BFAR: variants seen among roughly 807,000 people sequenced by gnomAD.
BFAR encodes the protein RING finger protein 47.
BFAR carries 52 observed loss-of-function variants against 54.4 expected under a neutral mutation model. That is an observed-to-expected ratio of 0.96 (90% CI 0.77 to 1.21). BFAR has a LOEUF of 1.21. Among genes scored for constraint, BFAR ranks in the 50% most tolerant of loss-of-function variants. BFAR has a pLI of 0.00. For missense variants in BFAR, 571 were observed against 534.0 expected (o/e 1.07, Z -0.68); for synonymous variants, 215 against 204.3 (o/e 1.05, Z -0.45).
chr16:14,663,573 C>T (rs369513413), intron 6 of BFAR, among the ~76,000 whole-genome samples: 3 of 152,038 alleles, frequency 2.0e-5, no homozygotes, highest in East Asian at 1.9e-4. Flanking sequence ...CCTCGTAATC[C>T]GCCCTCCTCA....
In BFAR at chr16:14,668,976, A is replaced by G. The variant is rs184333609; in HGVS notation, c.*1149A>G. ...TAATACAGCAGGTATAATTACACCA[A>G]GCGCTATAGTTATAAATATGGCATG... is the stretch of plus-strand genomic sequence containing the variant. On this transcript the variant is annotated 3_prime_UTR_variant, in exon 8 of 8. Transcript: ENST00000261658. The G allele has an allele frequency of 3.3e-5, 14 of 425,742 alleles. No homozygotes were observed. The highest frequency in any genetic ancestry group is 2.8e-4 in the African/African-American group (14 of 49,204). 26.4% of individuals were successfully genotyped at this position (425,742 alleles called of 1,614,324 possible).
intron 7 of BFAR, among the ~76,000 whole-genome samples, chr16:14,665,756 A>G (rs1960424522): frequency 6.6e-6 from 1 of 152,240 alleles, no homozygotes; most frequent in African/African-American, 2.4e-5. Context: ...GGCTTCCCCC[A>G]AACCGGAGTT....
At chr16:14,649,224 C>T (rs1356049859) in intron 3 of BFAR, among the ~76,000 whole-genome samples, 5 of 151,908 alleles carry the variant, frequency 3.3e-5, no homozygotes, top group African/African-American at 7.3e-5. Context: ...TACAGGCATG[C>T]GCCACTACAA....
intron 5 of BFAR, among the ~76,000 whole-genome samples, chr16:14,661,504 C>G (rs79046833): frequency 7.0e-6 from 1 of 143,060 alleles, no homozygotes; most frequent in African/African-American, 2.6e-5. Context: ...CAGGTTCAAG[C>G]GATTCTCCAG....
intron 7 of BFAR, among the ~76,000 whole-genome samples, chr16:14,666,625 G>A (rs1479108384): frequency 6.6e-6 from 1 of 152,082 alleles, no homozygotes; most frequent in Non-Finnish European, 1.5e-5. Context: ...ACAGGCAGAA[G>A]TAACACTGCC....
intron 5 of BFAR, among the ~76,000 whole-genome samples, chr16:14,657,084 C>T (rs1960149305): frequency 6.6e-6 from 1 of 151,836 alleles, no homozygotes; most frequent in African/African-American, 2.4e-5. Context: ...GCCTGGGTGA[C>T]AGAGTGAGAC....
chr16:14,642,158 C>T (rs759143651), intron 1 of BFAR, among the ~76,000 whole-genome samples: 15 of 152,150 alleles, frequency 9.9e-5, no homozygotes, highest in African/African-American at 3.6e-4. Flanking sequence ...GTGTGGGCGG[C>T]GGAGAGCAAT....
At chr16:14,633,714 G>A (rs1196630372) in intron 1 of BFAR, among the ~76,000 whole-genome samples, 1 of 152,188 alleles carries the variant, frequency 6.6e-6, no homozygotes, top group Non-Finnish European at 1.5e-5. Context: ...GTGCGGTGGA[G>A]CAATCTCGGC....
rs747180270 is a variant in BFAR at position 14,648,564 on chromosome 16, G to A, written c.440G>A (p.Gly147Asp). 1.9e-6 allele frequency: 3 copies of A among 1,613,848 alleles called. No homozygotes were observed. The highest frequency in any genetic ancestry group is 2.5e-6 in the Non-Finnish European group (3 of 1,179,954). ...NQQMGGGFFS[G>D]VLTALTGVAV... ...CAGATGGGAGGGGGATTCTTTTCCGGTGTGCTCACAGCTTTAACTGGAGTG... is the reference window on the plus strand; with the variant it reads ...CAGATGGGAGGGGGATTCTTTTCCGATGTGCTCACAGCTTTAACTGGAGTG... Residue 147 changes from glycine (G) to aspartate (D), a missense_variant, in exon 3 of 8, where the codon GGT becomes GAT. Physicochemically the swap from Gly to Asp is moderately conservative, Grantham distance 94 (BLOSUM62 -1). Coordinates refer to ENST00000261658, the MANE Select transcript of BFAR (RefSeq NM_016561.3).
chr16:14,664,850 CTG>C lies in BFAR; in HGVS notation c.958-13_958-12del. 8 of 1,604,434 alleles carry C rather than the reference CTG, an allele frequency of 5.0e-6. No individual in the cohort carries two copies. Among genetic ancestry groups the C allele is most frequent in the East Asian group, 2.2e-5 (1 of 44,818 alleles). ...AGTCAGTCCTCATGACTTTTTGCGT[CTG>C]TGTGTTATTTTTTAAGGATCTTAAG... On this transcript the variant is annotated splice_polypyrimidine_tract_variant and intron_variant, in intron 6 of 7. Transcript: ENST00000261658.
intron 1 of BFAR, among the ~76,000 whole-genome samples, chr16:14,636,254 C>G (rs1215491844): frequency 6.6e-6 from 1 of 152,120 alleles, no homozygotes; most frequent in African/African-American, 2.4e-5. Flanking sequence ...TAAGGAGGCC[C>G]AGGAGACCAG....
rs990740983 is a variant in BFAR at position 14,664,829 on chromosome 16, A to G, written c.958-40A>G. 4 of 1,563,710 alleles carry G rather than the reference A, an allele frequency of 2.6e-6. No individual in the cohort carries two copies. In the African/African-American group the frequency reaches 4.1e-5, roughly 16 times the overall value. On this transcript the variant is annotated intron_variant, in intron 6 of 7. Coordinates refer to ENST00000261658, the MANE Select transcript of BFAR (RefSeq NM_016561.3). ...CATCACAATATTTTGTGTAAAAGTC[A>G]GTCCTCATGACTTTTTGCGTCTGTG...
chr16:14,637,692 G>C (rs1959495122), intron 1 of BFAR, among the ~76,000 whole-genome samples: 1 of 152,098 alleles, frequency 6.6e-6, no homozygotes, highest in South Asian at 2.1e-4. Context: ...AGCCAGGCAT[G>C]GTGGCGCCTG....
chr16:14,641,291 TGAAGA>T (rs1475284763), intron 1 of BFAR, among the ~76,000 whole-genome samples: 6 of 152,082 alleles, frequency 3.9e-5, no homozygotes, highest in African/African-American at 9.7e-5. Flanking sequence ...GAGAAAACAG[TGAAGA>T]GAAGAGTAGC....
At chr16:14,666,742 T>TA (rs896692674) in intron 7 of BFAR, among the ~76,000 whole-genome samples, 9 of 151,844 alleles carry the variant, frequency 5.9e-5, no homozygotes, top group Non-Finnish European at 1.0e-4. Flanking sequence ...TAGGTAAAAA[T>TA]AAAAAAAGAA....
chr16:14,653,326 T>A (rs1304272446), intron 4 of BFAR, among the ~76,000 whole-genome samples: 1 of 151,860 alleles, frequency 6.6e-6, no homozygotes, highest in Admixed American at 6.6e-5. Context: ...GTGTTTTTTT[T>A]AATTTAATTT....
chr16:14,664,404 A>C (rs1425475940), intron 6 of BFAR, among the ~76,000 whole-genome samples: 1 of 151,924 alleles, frequency 6.6e-6, no homozygotes, highest in East Asian at 1.9e-4. Context: ...AAAAAAAAAA[A>C]AAAAAACAAT....
At chr16:14,634,664 A>G (rs1327542133) in intron 1 of BFAR, among the ~76,000 whole-genome samples, 1 of 152,190 alleles carries the variant, frequency 6.6e-6, no homozygotes, top group Non-Finnish European at 1.5e-5. Context: ...GCTGTCTCTT[A>G]AAAAAATTTT....
At chr16:14,641,910 T>TA (rs1160653252) in intron 1 of BFAR, among the ~76,000 whole-genome samples, 2 of 152,242 alleles carry the variant, frequency 1.3e-5, no homozygotes, top group Non-Finnish European at 2.9e-5. Context: ...ATGGTAGACT[T>TA]ACCATGTGCC....
Sources: gnomAD v4.1 joint callset for allele counts (sites outside exome capture counted in the v4.1 genomes callset) on GRCh38, gnomAD v4.1.1 for gene constraint, MANE v1.5 for transcripts, NCBI Gene and HGNC (gene_info 2026-07-23, HGNC 2026-07-21) for gene names.